Variants in EHD4 observed in about 807,000 individuals in gnomAD.
EHD4 encodes the protein EH domain containing 4, also known as EH domain-containing protein 4.
Under a neutral mutation model 51.0 loss-of-function variants are expected in EHD4, and 37 were observed. The ratio of observed to expected loss-of-function variants is 0.73; its 90% CI spans 0.56 to 0.95. The LOEUF (loss-of-function observed/expected upper bound fraction) is 0.95. Among genes scored for constraint, EHD4 ranks in the 40% least tolerant of loss-of-function variants. The pLI is 0.00. For synonymous variants in EHD4, 297 were observed against 317.3 expected, an observed-to-expected ratio of 0.94 and a Z score of 0.68; for missense variants, 632 against 733.1, an observed-to-expected ratio of 0.86 and a Z score of 1.59.
At chr15:41,942,837 T>C in intron 3 of EHD4, 1 of 266,250 alleles carries the variant, frequency 3.8e-6, no homozygotes, top group Non-Finnish European at 6.4e-6. Flanking sequence ...ACTCCTCATC[T>C]TCATTTACTC....
chr15:41,900,483 A>C lies in EHD4; in HGVS notation c.*162T>G. 1.4e-6 allele frequency: 1 copy of C among 698,928 alleles called. No individual in the cohort carries two copies. The highest frequency in any genetic ancestry group is 2.8e-5 in the East Asian group (1 of 35,966). 43.3% of individuals were successfully genotyped at this position (698,928 alleles called of 1,614,324 possible). ...AAACTAAGGGAATTTTGGAGGTGAA[A>C]GAAGTCATCTAGTTTCCAGTGTCCA... On this transcript the variant is annotated 3_prime_UTR_variant, in exon 6 of 6. Transcript: ENST00000220325. This position sits in a 1 kb window ranked among gnomAD's most constrained non-coding sequence, Gnocchi z 4.8.
intron 1 of EHD4, among the ~76,000 whole-genome samples, chr15:41,959,209 G>A (rs946990425): frequency 6.6e-6 from 1 of 151,824 alleles, no homozygotes; most frequent in Admixed American, 6.6e-5. Flanking sequence ...TGGCTAACAC[G>A]GTGAAACCCC....
At chr15:41,938,794 C>G (rs1039257741) in intron 3 of EHD4, among the ~76,000 whole-genome samples, 30 of 152,198 alleles carry the variant, frequency 2.0e-4, no homozygotes, top group African/African-American at 7.0e-4. Context: ...AAAACAGCAC[C>G]TTGAAAATGC....
chr15:41,953,228 A>G (rs2067864719), intron 2 of EHD4, among the ~76,000 whole-genome samples: 1 of 152,104 alleles, frequency 6.6e-6, no homozygotes, highest in Non-Finnish European at 1.5e-5. Flanking sequence ...TGACTGCAGA[A>G]GCCCAGCGCA....
rs138271499 is a variant in EHD4 at position 41,959,902 on chromosome 15, G to A, written c.237-5962C>T. On this transcript the variant is annotated intron_variant, in intron 1 of 5. Coordinates refer to ENST00000220325, the MANE Select transcript of EHD4 (RefSeq NM_139265.4). The stretch of plus-strand genomic sequence containing the variant: ...GGAGAATTGCTTGAACCTGGGAGGC[G>A]GAGGTTGCAGTGAGCCAAAATTGCA... Among the ~76,000 whole-genome samples, 630 of 151,572 alleles carry A rather than the reference G, an allele frequency of 4.2e-3. 5 individuals carry two copies. Among genetic ancestry groups the A allele is most frequent in the African/African-American group, 0.015 (600 of 41,252 alleles).
chr15:41,940,812 G>C (rs1026007006), intron 3 of EHD4, among the ~76,000 whole-genome samples: 3 of 152,208 alleles, frequency 2.0e-5, no homozygotes, highest in African/African-American at 7.2e-5. Context: ...GCTACAGTTT[G>C]AAAGACACGA....
chr15:41,954,179 A>G (rs2067871329), intron 1 of EHD4, among the ~76,000 whole-genome samples: 1 of 152,124 alleles, frequency 6.6e-6, no homozygotes, highest in South Asian at 2.1e-4. Context: ...CAGCTCCCTT[A>G]GGGGAGCCTC....
chr15:41,948,235 G>A (rs945970797), intron 2 of EHD4, among the ~76,000 whole-genome samples: 2 of 152,084 alleles, frequency 1.3e-5, no homozygotes, highest in South Asian at 2.1e-4. Context: ...CATAGGTGAT[G>A]GAGCAAGACT....
At chr15:41,917,091 TGCTCC>T (rs1426732344) in intron 4 of EHD4, among the ~76,000 whole-genome samples, 1 of 136,950 alleles carries the variant, frequency 7.3e-6, no homozygotes, top group Non-Finnish European at 1.6e-5. Flanking sequence ...GCGAGCTTTC[TGCTCC>T]TTATTTATTT....
chr15:41,906,727 T>G (rs1417245384), intron 5 of EHD4, among the ~76,000 whole-genome samples: 2 of 152,218 alleles, frequency 1.3e-5, no homozygotes, highest in East Asian at 3.9e-4. Flanking sequence ...GCTTTGGGGT[T>G]GCGGGCATCC....
intron 4 of EHD4, 117 bp downstream of exon 4, chr15:41,919,093 C>A: frequency 7.4e-7 from 1 of 1,349,394 alleles, no homozygotes; most frequent in South Asian, 1.3e-5. Context: ...CTTAACCTAG[C>A]GCATGTTCAT....
intron 1 of EHD4, among the ~76,000 whole-genome samples, chr15:41,963,834 A>T (rs966012262): frequency 1.3e-5 from 2 of 152,134 alleles, no homozygotes; most frequent in East Asian, 3.9e-4. Context: ...TGAGAAAAAC[A>T]TTTACATTTA....
At chr15:41,924,431 C>T (rs550858343) in intron 3 of EHD4, among the ~76,000 whole-genome samples, 1 of 152,268 alleles carries the variant, frequency 6.6e-6, no homozygotes, top group African/African-American at 2.4e-5. Flanking sequence ...TTGGGGCTAC[C>T]CTAGGGCTGA....
At chr15:41,935,774 T>G (rs1856590613) in intron 3 of EHD4, among the ~76,000 whole-genome samples, 1 of 152,210 alleles carries the variant, frequency 6.6e-6, no homozygotes, top group Non-Finnish European at 1.5e-5. Flanking sequence ...CAATAACTTC[T>G]ATTTTCTCTG....
intron 5 of EHD4, among the ~76,000 whole-genome samples, chr15:41,903,317 C>A (rs1595528732): frequency 1.2e-5 from 1 of 86,286 alleles, no homozygotes; most frequent in Non-Finnish European, 2.4e-5. Context: ...TCATAAATAT[C>A]ATGCTTTCTT....
chr15:41,912,396 C>T (rs1595531573), intron 4 of EHD4, among the ~76,000 whole-genome samples: 1 of 152,144 alleles, frequency 6.6e-6, no homozygotes, highest in Admixed American at 6.5e-5. Context: ...GACCTGCTTT[C>T]AGAAGTTCAT....
intron 1 of EHD4, among the ~76,000 whole-genome samples, chr15:41,968,788 T>C (rs1027708568): frequency 2.0e-5 from 3 of 152,278 alleles, no homozygotes; most frequent in African/African-American, 4.8e-5. Context: ...TGGTTTTTTA[T>C]TGAGATATAA....
Position 41,919,628 on chromosome 15 carries a change from T to C in EHD4, c.512-6A>G. On this transcript the variant is annotated splice_region_variant and splice_polypyrimidine_tract_variant and intron_variant, in intron 3 of 5. Transcript: ENST00000220325. ...GACCTGGCAGAAGTCATAGCCTGGG[T>C]GGAGAGAAGGACACGTCAGTGTAGC... The C allele has an allele frequency of 6.6e-7, 1 of 1,508,968 alleles. No individual in the cohort carries two copies. 93.5% of individuals were successfully genotyped at this position (1,508,968 alleles called of 1,614,324 possible).
At position 41,912,520 on chromosome 15, in the gene EHD4, CCCTGT is replaced by C. The variant is rs1437183941; in HGVS notation, c.925-2662_925-2658del. 5.3e-5 allele frequency among the ~76,000 whole-genome samples: 8 copies of C among 152,116 alleles called. No homozygotes were observed. The East Asian group carries it at 1.5e-3, about 29-fold the overall frequency. On this transcript the variant is annotated intron_variant, in intron 4 of 5. Coordinates refer to ENST00000220325, the MANE Select transcript of EHD4 (RefSeq NM_139265.4). The stretch of plus-strand genomic sequence containing the variant: ...GACTAGCCTGGCCAATGTGGTGAAA[CCCTGT>C]CTCTACTAAAAATACAAAAATTAGC...
Sources: gnomAD v4.1 joint callset for allele counts (sites outside exome capture counted in the v4.1 genomes callset) on GRCh38, gnomAD v4.1.1 for gene constraint, Gnocchi (gnomAD v3.1) non-coding constraint, MANE v1.5 for transcripts, NCBI Gene and HGNC (gene_info 2026-07-23, HGNC 2026-07-21) for gene names.